Variants in CAMSAP3 observed in about 807,000 individuals in gnomAD.
CAMSAP3 encodes the protein calmodulin regulated spectrin associated protein family member 3.
A neutral mutation model predicts 112.5 loss-of-function variants in CAMSAP3; 34 were observed. The observed-to-expected ratio is 0.30, with a 90% confidence interval of 0.23 to 0.40. The LOEUF is 0.40. Among genes scored for constraint, CAMSAP3 ranks in the 10% least tolerant of loss-of-function variants. The pLI is 1.00. For missense variants in CAMSAP3, 1,602 were observed against 1,770.3 expected (o/e 0.90, Z 1.71); for synonymous variants, 868 against 799.8 (o/e 1.09, Z -1.44).
intron 5 of CAMSAP3, 25 bp downstream of exon 5, chr19:7,608,289 T>C: frequency 6.3e-7 from 1 of 1,596,304 alleles, no homozygotes; most frequent in Non-Finnish European, 8.6e-7. Flanking sequence ...GTGGAACAGA[T>C]CTTGTGCCGG....
In CAMSAP3 at chr19:7,595,898, G is replaced by T; in HGVS notation, c.-105G>T. Reference sequence around the variant, plus strand: ...CAGCAGCGGCGGCGGCGGCGGCGGCGGCAGCGGCGGTAGCAGCAGCGGGCC... The same window carrying T: ...CAGCAGCGGCGGCGGCGGCGGCGGCTGCAGCGGCGGTAGCAGCAGCGGGCC... On this transcript the variant is annotated 5_prime_UTR_variant, in exon 1 of 17. Coordinates refer to ENST00000160298, the MANE Select transcript of CAMSAP3 (RefSeq NM_020902.2). 4.6e-6 allele frequency: 2 copies of T among 433,754 alleles called. No homozygotes were observed. Among genetic ancestry groups the T allele is most frequent in the Non-Finnish European group, 6.1e-6 (2 of 330,164 alleles). The allele number at this position is 433,754 out of a possible 1,614,324, so 26.9% of individuals were successfully genotyped here. A position where few individuals can be genotyped will look rare whatever the true frequency, so the allele number is the denominator to read the frequency against.
At position 7,610,724 on chromosome 19, in the gene CAMSAP3, G is replaced by A; in HGVS notation, c.925G>A (p.Glu309Lys). ...LKVNLVVMLA[E>K]LFMCFEVLKP... Reference sequence around the variant, plus strand: ...GGTCAACTTGGTGGTGATGCTGGCCGAGTTGTTCATGTGTTTTGAGGTGCT... The same window carrying A: ...GGTCAACTTGGTGGTGATGCTGGCCAAGTTGTTCATGTGTTTTGAGGTGCT... The change falls in exon 7 of 17, where the codon GAG (glutamate) becomes AAG (lysine). Residue 309 changes from glutamate to lysine, a missense_variant. This residue lies in a region of CAMSAP3 where 58 missense variants were observed against 108.4 expected (regional missense o/e 0.54). Transcript: ENST00000160298. This position sits in a 1 kb window ranked among gnomAD's most constrained non-coding sequence, Gnocchi z 4.9. The A allele has an allele frequency of 1.9e-6, 3 of 1,614,048 alleles. No homozygotes were observed. Among genetic ancestry groups the A allele is most frequent in the Non-Finnish European group, 2.5e-6 (3 of 1,180,020 alleles).
rs1481394446 is a variant in CAMSAP3, at chr19:7,607,169, A to AG, written c.621+604dup. ...GTGGGGAGACCACATAAATTTCTGAAGGGGGGACCTGCAGCCCATCACAAA... is the reference window on the plus strand; with the variant it reads ...GTGGGGAGACCACATAAATTTCTGAAGGGGGGGACCTGCAGCCCATCACAAA... On this transcript the variant is annotated intron_variant, in intron 4 of 16. Coordinates refer to ENST00000160298, the MANE Select transcript of CAMSAP3 (RefSeq NM_020902.2). The surrounding 1 kb of genome is among the most constrained non-coding windows in gnomAD (Gnocchi z 4.9). Among the ~76,000 whole-genome samples, 1 of 152,184 alleles carries AG rather than the reference A, an allele frequency of 6.6e-6. No homozygotes were observed. The highest frequency in any genetic ancestry group is 1.9e-4 in the East Asian group (1 of 5,146).
Position 7,612,314 on chromosome 19 carries a change from G to A in CAMSAP3, c.1821G>A (p.Leu607=), listed in dbSNP as rs767406629. 6.2e-7 allele frequency: 1 copy of A among 1,605,480 alleles called. No homozygotes were observed. The highest frequency in any genetic ancestry group is 1.1e-5 in the South Asian group (1 of 90,310). Residue 607 remains leucine (L), a synonymous_variant, in exon 11 of 17, where the codon CTG becomes CTA. Transcript: ENST00000160298. ...AGATGAGTGAGCTCAGCGCCCGGCT[G>A]GAGGAGAAACGCAGAGCCATCGAGG... is the stretch of plus-strand genomic sequence containing the variant. ...SSEMSELSAR[L]EEKRRAIEAQ...
At chr19:7,604,053 C>T (rs1477481926) in intron 1 of CAMSAP3, among the ~76,000 whole-genome samples, 2 of 152,210 alleles carry the variant, frequency 1.3e-5, no homozygotes, top group Non-Finnish European at 2.9e-5. Context: ...GAGAATCATT[C>T]GAGCCCGGGA....
At chr19:7,613,988 G>A (rs1472873064) in intron 11 of CAMSAP3, among the ~76,000 whole-genome samples, 1 of 152,214 alleles carries the variant, frequency 6.6e-6, no homozygotes, top group East Asian at 1.9e-4. Context: ...GTGGCCGGGC[G>A]CAGTGGCTCA....
In CAMSAP3 at chr19:7,611,969, C is replaced by T; in HGVS notation, c.1476C>T (p.Ser492=). ...ACCTCCACTCCCCTGAGGGGCCCTCCAAGCCATCCCTGGCCTCCCCCTACC... is the reference window on the plus strand; with the variant it reads ...ACCTCCACTCCCCTGAGGGGCCCTCTAAGCCATCCCTGGCCTCCCCCTACC... ...SFYLHSPEGP[S]KPSLASPYLP... The change falls in exon 11 of 17, where the codon TCC becomes TCT. Residue 492 remains serine, a synonymous_variant. Transcript: ENST00000160298. The surrounding 1 kb of genome is among the most constrained non-coding windows in gnomAD (Gnocchi z 6.9). 6.2e-7 allele frequency: 1 copy of T among 1,611,518 alleles called. No homozygotes were observed. The highest frequency in any genetic ancestry group is 1.1e-5 in the South Asian group (1 of 90,956).
At position 7,617,879 on chromosome 19, in the gene CAMSAP3, G is replaced by A. The variant is rs779466647; in HGVS notation, c.3572G>A (p.Arg1191Gln). 13 of 1,613,596 alleles carry A rather than the reference G, an allele frequency of 8.1e-6. No homozygotes were observed. Among genetic ancestry groups the A allele is most frequent in the African/African-American group, 2.7e-5 (2 of 74,934 alleles). Residue 1191 changes from arginine (R) to glutamine (Q), a missense_variant, in exon 17 of 17, where the codon CGG becomes CAG. Physicochemically the swap from Arg to Gln is conservative, Grantham distance 43. Coordinates refer to ENST00000160298, the MANE Select transcript of CAMSAP3 (RefSeq NM_020902.2). This position sits in a 1 kb window ranked among gnomAD's most constrained non-coding sequence, Gnocchi z 7.5. ...ELSRLAGYGP[R>Q]TVTPAMVEGI... is the part of the protein sequence containing the mutation. Reference sequence around the variant, plus strand: ...TCGCGGCTGGCAGGGTATGGGCCCCGGACCGTCACGCCCGCCATGGTGGAA... The same window carrying A: ...TCGCGGCTGGCAGGGTATGGGCCCCAGACCGTCACGCCCGCCATGGTGGAA...
At position 7,612,432 on chromosome 19, in the gene CAMSAP3, G is replaced by C. The variant is rs1200839592; in HGVS notation, c.1939G>C (p.Gly647Arg). 1 of 1,591,472 alleles carries C rather than the reference G, an allele frequency of 6.3e-7. No homozygotes were observed. Among genetic ancestry groups the C allele is most frequent in the African/African-American group, 1.3e-5 (1 of 74,486 alleles). ...FLQVQPREAS[G>R]EAEAEAEEAD... ...GCAGGTGCAGCCGCGGGAAGCCTCT[G>C]GGGAGGCGGAAGCAGAGGCGGAGGA... The change falls in exon 11 of 17, where the codon GGG becomes CGG. Residue 647 changes from glycine to arginine, a missense_variant. Physicochemically the swap from Gly to Arg is moderately radical, Grantham distance 125. Transcript: ENST00000160298.
At chr19:7,608,503 A>G (rs1338755466) in intron 5 of CAMSAP3, among the ~76,000 whole-genome samples, 4 of 152,134 alleles carry the variant, frequency 2.6e-5, no homozygotes, top group Non-Finnish European at 4.4e-5. Context: ...AGCAGATGAA[A>G]CGTATGGAGT....
chr19:7,601,026 C>T (rs1322411096), intron 1 of CAMSAP3, among the ~76,000 whole-genome samples: 1 of 151,856 alleles, frequency 6.6e-6, no homozygotes, highest in East Asian at 1.9e-4. Context: ...ATATGGTGGC[C>T]ACCAGCCAGA....
rs748970078 is a variant in CAMSAP3 at position 7,610,629 on chromosome 19, G to C, written c.900+14G>C. On this transcript the variant is annotated intron_variant, in intron 6 of 16. Coordinates refer to ENST00000160298, the MANE Select transcript of CAMSAP3 (RefSeq NM_020902.2). This position sits in a 1 kb window ranked among gnomAD's most constrained non-coding sequence, Gnocchi z 4.9. The stretch of plus-strand genomic sequence containing the variant: ...CCGCCACTCAAGGTAAGGCCATCCT[G>C]GGGCCTCCTGGGCCGAGGCGGGCAT... 5 of 1,613,632 alleles carry C rather than the reference G, an allele frequency of 3.1e-6. No homozygotes were observed. Among genetic ancestry groups the C allele is most frequent in the Non-Finnish European group, 4.2e-6 (5 of 1,179,932 alleles).
intron 4 of CAMSAP3, among the ~76,000 whole-genome samples, chr19:7,606,972 G>A (rs2030258123): frequency 6.6e-6 from 1 of 152,098 alleles, no homozygotes; most frequent in Admixed American, 6.5e-5. Context: ...GAACCCCTCT[G>A]TGAACCAAGA....
At chr19:7,608,973 T>C (rs2030346000) in intron 5 of CAMSAP3, among the ~76,000 whole-genome samples, 1 of 151,718 alleles carries the variant, frequency 6.6e-6, no homozygotes, top group South Asian at 2.1e-4. Context: ...CTAAAGGCAA[T>C]GGGTGGTCAG....
chr19:7,617,341 A>C lies in CAMSAP3; in HGVS notation c.3228A>C (p.Ser1076=), dbSNP rs768591402. Residue 1076 remains serine, a synonymous_variant, in exon 15 of 17, where the codon TCA becomes TCC. Coordinates refer to ENST00000160298, the MANE Select transcript of CAMSAP3 (RefSeq NM_020902.2). The surrounding 1 kb of genome is among the most constrained non-coding windows in gnomAD (Gnocchi z 7.5). ...CCCACTGCAGGGCTCCCTCCCCGTC[A>C]GGTCTCATGTCCCCAAGCCGCCTGC... ...KRPTSRAPSP[S]GLMSPSRLPG... 1 of 1,613,732 alleles carries C rather than the reference A, an allele frequency of 6.2e-7. No individual in the cohort carries two copies. Among genetic ancestry groups the C allele is most frequent in the Non-Finnish European group, 8.5e-7 (1 of 1,179,774 alleles).
chr19:7,611,428 A>G lies in CAMSAP3; in HGVS notation c.1124-89A>G. ...TAATGAGCCATCAGTGACTCACCCA[A>G]TGACCTTGCAGAGGTTGTCCCCAGA... On this transcript the variant is annotated intron_variant, in intron 9 of 16. Coordinates refer to ENST00000160298, the MANE Select transcript of CAMSAP3 (RefSeq NM_020902.2). The surrounding 1 kb of genome is among the most constrained non-coding windows in gnomAD (Gnocchi z 6.9). 2 of 1,278,908 alleles carry G rather than the reference A, an allele frequency of 1.6e-6. No individual in the cohort carries two copies. The highest frequency in any genetic ancestry group is 2.3e-5 in the Admixed American group (1 of 43,482). 79.2% of individuals were successfully genotyped at this position (1,278,908 alleles called of 1,614,324 possible).
At chr19:7,606,033 C>A (rs2030196686) in intron 2 of CAMSAP3, among the ~76,000 whole-genome samples, 1 of 152,174 alleles carries the variant, frequency 6.6e-6, no homozygotes, top group Non-Finnish European at 1.5e-5. Context: ...CCCACCCTAT[C>A]CTAACGCCTA....
Position 7,616,591 on chromosome 19 carries a change from A to G in CAMSAP3, c.3181A>G (p.Asn1061Asp), listed in dbSNP as rs2030802525. Reference protein sequence around the residue: ...SLSTVANEAHNNLGVKRPTSR... With the variant: ...SLSTVANEAHDNLGVKRPTSR... ...GTCCACTGTGGCCAACGAGGCCCAC[A>G]ATAACCTCGGGGTGAAGAGGCCCAC... Residue 1061 changes from asparagine (N) to aspartate (D), a missense_variant, in exon 14 of 17, where the codon AAT (asparagine) becomes GAT (aspartate). This residue lies in a region of CAMSAP3 where 1,100 missense variants were observed against 1,135.7 expected (regional missense o/e 0.97). Coordinates refer to ENST00000160298, the MANE Select transcript of CAMSAP3 (RefSeq NM_020902.2). The G allele has an allele frequency of 6.2e-7, 1 of 1,610,886 alleles. No individual in the cohort carries two copies. Among genetic ancestry groups the G allele is most frequent in the East Asian group, 2.2e-5 (1 of 44,782 alleles).
intron 1 of CAMSAP3, among the ~76,000 whole-genome samples, chr19:7,604,118 G>A (rs918705030): frequency 1.6e-4 from 25 of 152,146 alleles, no homozygotes; most frequent in Non-Finnish European, 3.1e-4. Flanking sequence ...CTGGGCGACA[G>A]AGAGACTCTT....
Sources: gnomAD v4.1 joint callset for allele counts (sites outside exome capture counted in the v4.1 genomes callset) on GRCh38, gnomAD v4.1.1 for gene constraint, gnomAD v4.1.1 regional missense constraint, Gnocchi (gnomAD v3.1) non-coding constraint, MANE v1.5 for transcripts, NCBI Gene and HGNC (gene_info 2026-07-23, HGNC 2026-07-21) for gene names.